IFNAR2: variants seen among roughly 807,000 people sequenced by gnomAD.
IFNAR2 encodes interferon alpha and beta receptor subunit 2.
A neutral mutation model predicts 49.4 loss-of-function variants in IFNAR2; 30 were observed. The ratio of observed to expected loss-of-function variants is 0.61; its 90% CI spans 0.45 to 0.82. The LOEUF is 0.82. Ranked by LOEUF, IFNAR2 falls within the 40% of genes least tolerant of loss-of-function variation. The pLI, the probability that IFNAR2 is intolerant of heterozygous loss-of-function variation, is 0.00. For synonymous variants in IFNAR2, 224 were observed against 234.5 expected (o/e 0.96, Z 0.41); for missense variants, 600 against 622.7 (o/e 0.96, Z 0.39).
intron 5 of IFNAR2, 47 bp from the exon 6 acceptor site, chr21:33,248,662 A>G (rs759710087): frequency 2.6e-6 from 4 of 1,548,820 alleles, no homozygotes; most frequent in South Asian, 2.5e-5. Flanking sequence ...TGTGGGCCAC[A>G]TATGGTCTCT....
chr21:33,243,999 CTG>C (rs1385918390), intron 3 of IFNAR2, among the ~76,000 whole-genome samples: 4 of 152,202 alleles, frequency 2.6e-5, no homozygotes, highest in African/African-American at 9.7e-5. Flanking sequence ...GAGACACAGA[CTG>C]TGCCAAATAA....
intron 1 of IFNAR2, among the ~76,000 whole-genome samples, chr21:33,236,539 C>CTG (rs1986474299): frequency 1.3e-5 from 2 of 152,192 alleles, no homozygotes; most frequent in Non-Finnish European, 2.9e-5. Context: ...GTCCATGGGG[C>CTG]GAGGCTGGAG....
intron 1 of IFNAR2, chr21:33,231,773 G>A (rs1246546813): frequency 7.9e-6 from 6 of 763,900 alleles, no homozygotes; most frequent in Non-Finnish European, 3.2e-6. Context: ...ACAAAGTCTC[G>A]CTCTGTCGCG....
At position 33,245,020 on chromosome 21, in the gene IFNAR2, T is replaced by TA; in HGVS notation, c.173dup (p.Asn58LysfsTer18). The TA allele has an allele frequency of 6.2e-6, 10 of 1,611,048 alleles. No homozygotes were observed. Among genetic ancestry groups the TA allele is most frequent in the Non-Finnish European group, 7.6e-6 (9 of 1,177,258 alleles). On this transcript the variant is annotated frameshift_variant, in exon 4 of 9. Coordinates refer to ENST00000342136, the MANE Select transcript of IFNAR2 (RefSeq NM_001289125.3). LOFTEE classifies it high-confidence loss of function. Reference sequence around the variant, plus strand: ...TTCCGGTCCATCTTATCATGGGAATTAAAAAACCACTCCATTGTACCAACT... The same window carrying TA: ...TTCCGGTCCATCTTATCATGGGAATTAAAAAAACCACTCCATTGTACCAACT...
At chr21:33,240,430 C>T (rs1002265442) in intron 1 of IFNAR2, among the ~76,000 whole-genome samples, 5 of 152,138 alleles carry the variant, frequency 3.3e-5, no homozygotes, top group African/African-American at 1.2e-4. Context: ...GATGTTCATA[C>T]AACAAAATAG....
At position 33,265,209 on chromosome 21, in the gene IFNAR2, G is replaced by A. The variant is rs1303259207; in HGVS notation, c.*1709G>A. The A allele has an allele frequency of 6.6e-6, 1 of 152,184 alleles. No individual in the cohort carries two copies. Among genetic ancestry groups the A allele is most frequent in the Non-Finnish European group, 1.5e-5 (1 of 68,054 alleles). 9.4% of individuals were successfully genotyped at this position (152,184 alleles called of 1,614,324 possible). Reference sequence around the variant, plus strand: ...AGGAGAAAGATGAGAAAATGTACAAGAATGAACACTCAGGTGGAAATGCTG... The same window carrying A: ...AGGAGAAAGATGAGAAAATGTACAAAAATGAACACTCAGGTGGAAATGCTG... On this transcript the variant is annotated 3_prime_UTR_variant, in exon 9 of 9. Coordinates refer to ENST00000342136, the MANE Select transcript of IFNAR2 (RefSeq NM_001289125.3).
chr21:33,260,801 A>G lies in IFNAR2; in HGVS notation c.840+74A>G, dbSNP rs554352383. On this transcript the variant is annotated intron_variant, in intron 8 of 8. Coordinates refer to ENST00000342136, the MANE Select transcript of IFNAR2 (RefSeq NM_001289125.3). ...TTTTAACTTAAGAATTTGTATTTAT[A>G]TAAATATTTTCACAGAAGAAAATCT... is the stretch of plus-strand genomic sequence containing the variant. 1.5e-3 allele frequency: 1,401 copies of G among 963,208 alleles called. 1 individual carries two copies. Among genetic ancestry groups the G allele is most frequent in the Admixed American group, 4.8e-3 (154 of 32,084 alleles). 59.7% of individuals were successfully genotyped at this position (963,208 alleles called of 1,614,324 possible). A position where few individuals can be genotyped will look rare whatever the true frequency, so the allele number is the denominator to read the frequency against.
rs1988905160 is a variant in IFNAR2 at position 33,265,640 on chromosome 21, C to T, written c.*2140C>T. ...ATGATTGGAGGTTGGTAAAAAGTAA[C>T]ACAACAGTACTTTTTTAATACAAAC... On this transcript the variant is annotated 3_prime_UTR_variant, in exon 9 of 9. Transcript: ENST00000342136. The T allele has an allele frequency of 4.8e-6, 1 of 209,584 alleles. No homozygotes were observed. Among genetic ancestry groups the T allele is most frequent in the Non-Finnish European group, 1.0e-5 (1 of 100,166 alleles). 13.0% of individuals were successfully genotyped at this position (209,584 alleles called of 1,614,324 possible).
intron 5 of IFNAR2, 86 bp from the exon 6 acceptor site, chr21:33,248,623 C>G: frequency 7.8e-7 from 1 of 1,280,926 alleles, no homozygotes; most frequent in Non-Finnish European, 1.0e-6. Context: ...ATTTTCTATA[C>G]AGGGCCAGAG....
chr21:33,248,363 A>G (rs17860211), intron 5 of IFNAR2, among the ~76,000 whole-genome samples: 22,314 of 129,486 alleles, frequency 0.17, 2,029 homozygotes, highest in African/African-American at 0.2. Flanking sequence ...GAAAGAGAGA[A>G]AGAAAGAAAG....
chr21:33,264,737 C>T lies in IFNAR2; in HGVS notation c.*1237C>T, dbSNP rs1279673628. ...GGAGCAATTGCTCCTGCCGGTAACC[C>T]CAGCACTTTGGGATGCCTAAACAGG... On this transcript the variant is annotated 3_prime_UTR_variant, in exon 9 of 9. Transcript: ENST00000342136. 2.6e-5 allele frequency: 4 copies of T among 152,166 alleles called. No homozygotes were observed. The highest frequency in any genetic ancestry group is 9.7e-5 in the African/African-American group (4 of 41,418). The allele number at this position is 152,166 out of a possible 1,614,324, so 9.4% of individuals were successfully genotyped here.
At chr21:33,245,683 A>G (rs1044022128) in intron 4 of IFNAR2, among the ~76,000 whole-genome samples, 3 of 152,090 alleles carry the variant, frequency 2.0e-5, no homozygotes, top group African/African-American at 7.2e-5. Flanking sequence ...CACACCTACC[A>G]ATCGCCCTTA....
At chr21:33,245,305 G>T (rs1378335538) in intron 4 of IFNAR2, among the ~76,000 whole-genome samples, 1 of 152,208 alleles carries the variant, frequency 6.6e-6, no homozygotes, top group Non-Finnish European at 1.5e-5. Flanking sequence ...GACAAAGCTT[G>T]TATGTGTCAT....
intron 7 of IFNAR2, among the ~76,000 whole-genome samples, chr21:33,256,614 C>A (rs1156363758): frequency 1.3e-5 from 2 of 152,160 alleles, no homozygotes; most frequent in South Asian, 2.1e-4. Context: ...AACACCTTCC[C>A]CTTGTCAAGC....
chr21:33,247,810 C>A lies in IFNAR2; in HGVS notation c.395-899C>A, dbSNP rs565741393. Among the ~76,000 whole-genome samples, 161 of 152,290 alleles carry A rather than the reference C, an allele frequency of 1.1e-3. 2 individuals are homozygous for A. Among genetic ancestry groups the A allele is most frequent in the African/African-American group, 3.8e-3 (156 of 41,548 alleles). On this transcript the variant is annotated intron_variant, in intron 5 of 8. Transcript: ENST00000342136. ...AAGAGAACCATCTGGTCTCAGCTTC[C>A]TGTTGTAGGCTATGCGGGTGTGCAC... is the stretch of plus-strand genomic sequence containing the variant.
chr21:33,235,531 G>GA (rs1986382260), intron 1 of IFNAR2, among the ~76,000 whole-genome samples: 1 of 152,122 alleles, frequency 6.6e-6, no homozygotes, highest in African/African-American at 2.4e-5. Flanking sequence ...AAAAATGCCT[G>GA]AGAAAGTACC....
chr21:33,247,020 T>C, intron 5 of IFNAR2, 130 bp downstream of exon 5: 1 of 670,446 alleles, frequency 1.5e-6, no homozygotes, highest in Non-Finnish European at 2.6e-6. Context: ...GCCCTGCCAC[T>C]TCCTAGCTCT....
In IFNAR2 at chr21:33,241,971, C is replaced by A; in HGVS notation, c.49C>A (p.Leu17Ile). The change falls in exon 2 of 9, where the codon CTC becomes ATC. Residue 17 changes from leucine (L) to isoleucine (I), a missense_variant. Coordinates refer to ENST00000342136, the MANE Select transcript of IFNAR2 (RefSeq NM_001289125.3). ...CATCTTCAGATCACTTAATTTGGTTCTCATGGGTAAGTGCTGCTTTTTATC... is the reference window on the plus strand; with the variant it reads ...CATCTTCAGATCACTTAATTTGGTTATCATGGGTAAGTGCTGCTTTTTATC... ...AFIFRSLNLV[L>I]MVYISLVFGI... The A allele has an allele frequency of 6.2e-7, 1 of 1,612,440 alleles. No individual in the cohort carries two copies. Among genetic ancestry groups the A allele is most frequent in the Non-Finnish European group, 8.5e-7 (1 of 1,179,354 alleles).
At chr21:33,245,772 A>G (rs1987352617) in intron 4 of IFNAR2, among the ~76,000 whole-genome samples, 1 of 152,162 alleles carries the variant, frequency 6.6e-6, no homozygotes, top group Non-Finnish European at 1.5e-5. Context: ...TGCTGCTGCT[A>G]CTGCTTATTG....
Sources: gnomAD v4.1 joint callset for allele counts (sites outside exome capture counted in the v4.1 genomes callset) on GRCh38, gnomAD v4.1.1 for gene constraint, MANE v1.5 for transcripts, NCBI Gene and HGNC (gene_info 2026-07-23, HGNC 2026-07-21) for gene names.